Variants in RARG observed in about 807,000 individuals in gnomAD.
The protein encoded by RARG is retinoic acid receptor gamma.
RARG carries 17 observed loss-of-function variants against 43.7 expected under a neutral mutation model. The observed-to-expected ratio is 0.39, with a 90% confidence interval of 0.27 to 0.58. The LOEUF is 0.58. Ranked by LOEUF, RARG falls within the 20% of genes least tolerant of loss-of-function variation. The probability of loss-of-function intolerance (pLI) is 0.57; values close to 1 mark genes in which losing one functional copy is unlikely to be tolerated. For synonymous variants in RARG, 238 were observed against 236.4 expected, an observed-to-expected ratio of 1.01 and a Z score of -0.06; for missense variants, 346 against 598.7, an observed-to-expected ratio of 0.58 and a Z score of 4.40.
chr12:53,212,671 C>A (rs1942626439), intron 9 of RARG, among the ~76,000 whole-genome samples: 1 of 150,732 alleles, frequency 6.6e-6, no homozygotes, highest in Non-Finnish European at 1.5e-5. Context: ...GAAGAATAGC[C>A]CAGTTTACAA....
chr12:53,227,040 C>A lies in RARG; in HGVS notation c.184+322G>T, dbSNP rs371391805. Among the ~76,000 whole-genome samples, 70 of 152,290 alleles carry A rather than the reference C, an allele frequency of 4.6e-4. No individual in the cohort carries two copies. Among genetic ancestry groups the A allele is most frequent in the Middle Eastern group, 6.8e-3 (2 of 294 alleles). ...CACGCTGCACCAGACCCACCCCCAG[C>A]TGCCCACACAAAGGTATTCCCCTCT... On this transcript the variant is annotated intron_variant, in intron 3 of 9. Transcript: ENST00000425354. This position sits in a 1 kb window ranked among gnomAD's most constrained non-coding sequence, Gnocchi z 4.3.
intron 3 of RARG, among the ~76,000 whole-genome samples, chr12:53,217,540 G>C (rs759698583): frequency 1.3e-5 from 2 of 152,182 alleles, no homozygotes; most frequent in African/African-American, 2.4e-5. Context: ...AGACAGGCCC[G>C]GGGGCAACTT....
In RARG at chr12:53,211,970, C is replaced by T. The variant is rs1942602328; in HGVS notation, c.1178-107G>A. 2.6e-6 allele frequency: 2 copies of T among 779,184 alleles called. No homozygotes were observed. Among genetic ancestry groups the T allele is most frequent in the East Asian group, 6.3e-5 (2 of 31,582 alleles). The allele number at this position is 779,184 out of a possible 1,614,324, so 48.3% of individuals were successfully genotyped here. On this transcript the variant is annotated intron_variant, in intron 9 of 9. Coordinates refer to ENST00000425354, the MANE Select transcript of RARG (RefSeq NM_000966.6). The surrounding 1 kb of genome is among the most constrained non-coding windows in gnomAD (Gnocchi z 4.6). ...TGCCCCTGACTCCCCTAGGGGGCGC[C>T]CAGCACAGGCCCACCACCTCTCCGT...
chr12:53,223,306 T>TAAGCAGGC (rs1943022778), intron 3 of RARG, among the ~76,000 whole-genome samples: 1 of 146,264 alleles, frequency 6.8e-6, no homozygotes, highest in African/African-American at 2.6e-5. Context: ...GAAGGGTAAG[T>TAAGCAGGC]CCTGAGGTAG....
Position 53,222,397 on chromosome 12 carries a change from G to A in RARG, c.184+4965C>T, listed in dbSNP as rs146446344. Among the ~76,000 whole-genome samples, 421 of 152,264 alleles carry A rather than the reference G, an allele frequency of 2.8e-3. 1 individual carries two copies. The highest frequency in any genetic ancestry group is 9.7e-3 in the African/African-American group (404 of 41,552). ...TTAAGTGCAAAATAGGGAGTACCCC[G>A]AAAACAAGAGGGAAAGAGCCTTGAT... On this transcript the variant is annotated intron_variant, in intron 3 of 9. Coordinates refer to ENST00000425354, the MANE Select transcript of RARG (RefSeq NM_000966.6).
At chr12:53,229,833 C>T (rs1303598341) in intron 2 of RARG, 17 of 632,642 alleles carry the variant, frequency 2.7e-5, no homozygotes, top group Non-Finnish European at 3.3e-5. Flanking sequence ...GTCTTTGCTT[C>T]TCACCTACCA....
intron 3 of RARG, among the ~76,000 whole-genome samples, chr12:53,218,220 A>T (rs1592435317): frequency 6.6e-6 from 1 of 151,548 alleles, no homozygotes; most frequent in African/African-American, 2.4e-5. Context: ...CATCCAGCCC[A>T]CCTCCACCCC....
intron 3 of RARG, among the ~76,000 whole-genome samples, chr12:53,219,686 G>C (rs1412833566): frequency 3.9e-5 from 6 of 152,058 alleles, no homozygotes; most frequent in African/African-American, 1.4e-4. Context: ...CACACACCTC[G>C]GTCTCTCCCT....
chr12:53,212,237 T>C (rs1024146062), intron 9 of RARG, among the ~76,000 whole-genome samples: 6 of 152,246 alleles, frequency 3.9e-5, no homozygotes, highest in African/African-American at 1.2e-4. Flanking sequence ...ACAGCTAATA[T>C]TTATCAAACA....
chr12:53,225,770 G>C (rs1943092222), intron 3 of RARG, among the ~76,000 whole-genome samples: 1 of 152,162 alleles, frequency 6.6e-6, no homozygotes, highest in East Asian at 1.9e-4. Flanking sequence ...GAGGAGAGGG[G>C]TCCCAGAGGG....
chr12:53,226,176 T>C (rs1378788101), intron 3 of RARG, among the ~76,000 whole-genome samples: 1 of 152,224 alleles, frequency 6.6e-6, no homozygotes, highest in Non-Finnish European at 1.5e-5. Context: ...TCGCCCAGGC[T>C]AGAGTGCAGT....
chr12:53,220,396 G>T, intron 3 of RARG: 8 of 153,684 alleles, frequency 5.2e-5, no homozygotes, highest in Non-Finnish European at 1.0e-4. Context: ...AGCCTGGAGG[G>T]GTGGGGGGTG....
At chr12:53,220,021 C>T (rs1226509673) in intron 3 of RARG, 1 of 1,533,534 alleles carries the variant, frequency 6.5e-7, no homozygotes, top group Non-Finnish European at 8.8e-7. Flanking sequence ...GGTGGCTCTG[C>T]GCAGCAAGCC....
chr12:53,221,703 G>A (rs1295585580), intron 3 of RARG, among the ~76,000 whole-genome samples: 1 of 151,416 alleles, frequency 6.6e-6, no homozygotes, highest in African/African-American at 2.4e-5. Flanking sequence ...CCCGGACAGC[G>A]CCAGCAGCGG....
At position 53,215,763 on chromosome 12, in the gene RARG, C is replaced by A; in HGVS notation, c.216G>T (p.Glu72Asp). The change falls in exon 4 of 10, where the codon GAG (glutamate) becomes GAT (aspartate). Residue 72 changes from glutamate (E) to aspartate (D), a missense_variant. Glu to Asp is a conservative substitution (Grantham distance 45). This residue lies in a region of RARG where 90 missense variants were observed against 93.2 expected (regional missense o/e 0.97). Coordinates refer to ENST00000425354, the MANE Select transcript of RARG (RefSeq NM_000966.6). This position sits in a 1 kb window ranked among gnomAD's most constrained non-coding sequence, Gnocchi z 6.4. ...GGGGCGAGGGCGAGCTGGGCACCAT[C>A]TCCTCTGAGCTGGTGCTCTGTGTCT... ...SVETQSTSSE[E>D]MVPSSPSPPP... 6.2e-7 allele frequency: 1 copy of A among 1,611,746 alleles called. No homozygotes were observed. The highest frequency in any genetic ancestry group is 8.5e-7 in the Non-Finnish European group (1 of 1,179,150).
Position 53,215,579 on chromosome 12 carries a change from G to A in RARG, c.333+67C>T, listed in dbSNP as rs1416427367. ...AGTGCTGCTCAGACACAGCATCTGT[G>A]TGCCTGGTCTCTCATCTTACTAGGG... On this transcript the variant is annotated intron_variant, in intron 4 of 9. Transcript: ENST00000425354. The surrounding 1 kb of genome is among the most constrained non-coding windows in gnomAD (Gnocchi z 6.4). 1.3e-6 allele frequency: 2 copies of A among 1,585,304 alleles called. No homozygotes were observed. The highest frequency in any genetic ancestry group is 1.7e-6 in the Non-Finnish European group (2 of 1,161,872).
At position 53,227,778 on chromosome 12, in the gene RARG, C is replaced by G. The variant is rs1308602626; in HGVS notation, c.-142-91G>C. On this transcript the variant is annotated intron_variant, in intron 2 of 9. Transcript: ENST00000425354. The surrounding 1 kb of genome is among the most constrained non-coding windows in gnomAD (Gnocchi z 4.3). ...CCCTCTCTCAGTTGCAGTCTTCTCC[C>G]TCTGTGCTGCTACAGTTTATCCTGC... 1 of 954,594 alleles carries G rather than the reference C, an allele frequency of 1.0e-6. No homozygotes were observed. The highest frequency in any genetic ancestry group is 3.4e-5 in the East Asian group (1 of 29,098). The allele number at this position is 954,594 out of a possible 1,614,324, so 59.1% of individuals were successfully genotyped here.
At chr12:53,226,565 T>A (rs1398206263) in intron 3 of RARG, among the ~76,000 whole-genome samples, 1 of 151,170 alleles carries the variant, frequency 6.6e-6, no homozygotes, top group Non-Finnish European at 1.5e-5. Flanking sequence ...CCTCAGGTGA[T>A]CTGCCCTCCT....
chr12:53,211,491 C>G lies in RARG; in HGVS notation c.*185G>C, dbSNP rs1020301220. On this transcript the variant is annotated 3_prime_UTR_variant, in exon 10 of 10. Coordinates refer to ENST00000425354, the MANE Select transcript of RARG (RefSeq NM_000966.6). This position sits in a 1 kb window ranked among gnomAD's most constrained non-coding sequence, Gnocchi z 4.6. ...CAGGCCCCCGGGACTGGCGAGGGAGCCGGTTAGATCAGGAAGGGGATGAAC... is the reference window on the plus strand; with the variant it reads ...CAGGCCCCCGGGACTGGCGAGGGAGGCGGTTAGATCAGGAAGGGGATGAAC... 2.0e-6 allele frequency: 1 copy of G among 506,742 alleles called. No individual in the cohort carries two copies. The highest frequency in any genetic ancestry group is 3.3e-6 in the Non-Finnish European group (1 of 306,560). 31.4% of individuals were successfully genotyped at this position (506,742 alleles called of 1,614,324 possible). A position where few individuals can be genotyped will look rare whatever the true frequency, so the allele number is the denominator to read the frequency against.
Sources: allele counts gnomAD v4.1 joint callset (sites outside exome capture counted in the v4.1 genomes callset), GRCh38; gene constraint gnomAD v4.1.1; regional missense constraint gnomAD v4.1.1; non-coding constraint Gnocchi (gnomAD v3.1); transcripts MANE v1.5; gene names NCBI Gene and HGNC (gene_info 2026-07-23, HGNC 2026-07-21).